Variants in GPC5 observed in about 807,000 individuals in gnomAD.
GPC5 encodes the protein glypican-5.
GPC5 carries 47 observed loss-of-function variants against 53.9 expected under a neutral mutation model. The ratio of observed to expected loss-of-function variants is 0.87; its 90% CI spans 0.69 to 1.11. The LOEUF is 1.11. Among genes scored for constraint, GPC5 ranks in the 50% most tolerant of loss-of-function variants. The pLI is 0.00. For synonymous variants in GPC5, 286 were observed against 263.3 expected (o/e 1.09, Z -0.84); for missense variants, 748 against 713.1 (o/e 1.05, Z -0.56).
intron 1 of GPC5, among the ~76,000 whole-genome samples, chr13:91,443,316 C>G (rs953765322): frequency 2.0e-5 from 3 of 152,022 alleles, no homozygotes; most frequent in African/African-American, 4.8e-5. Context: ...GAAGGGACAC[C>G]AGAAGTCTGC....
chr13:92,401,354 C>T (rs1180492557), intron 7 of GPC5, among the ~76,000 whole-genome samples: 1 of 151,994 alleles, frequency 6.6e-6, no homozygotes. Context: ...ATCAAAATGA[C>T]TACTTACTAT....
chr13:92,767,761 G>A (rs1391941614), intron 7 of GPC5, among the ~76,000 whole-genome samples: 1 of 152,126 alleles, frequency 6.6e-6, no homozygotes. Flanking sequence ...ATATTCGGCT[G>A]TACCTCATAA....
chr13:91,728,576 C>T lies in GPC5; in HGVS notation c.1065C>T (p.Ser355=), dbSNP rs1450091952. ...CGRPVRTPTQ[S]PRCSFDQSKE... is the part of the protein sequence containing the mutation. ...GCCCTGTAAGAACACCCACACAAAG[C>T]CCCCGTTGTTCTTTTGATCAGAGCA... The change falls in exon 4 of 8, where the codon AGC becomes AGT. Residue 355 remains serine, a synonymous_variant. Coordinates refer to ENST00000377067, the MANE Select transcript of GPC5 (RefSeq NM_004466.6). 8 of 1,612,488 alleles carry T rather than the reference C, an allele frequency of 5.0e-6. No homozygotes were observed.
In GPC5 at chr13:92,724,600, G is replaced by A. The variant is rs1001199212; in HGVS notation, c.1562-141682G>A. 2.6e-5 allele frequency among the ~76,000 whole-genome samples: 4 copies of A among 151,646 alleles called. No homozygotes were observed. The Admixed American group carries it at 2.6e-4, about 10-fold the overall frequency. ...CCTAGATAGAGGACACATGGTAAGT[G>A]AGATAAGCCAGACACAGAAGAATAA... On this transcript the variant is annotated intron_variant, in intron 7 of 7. Coordinates refer to ENST00000377067, the MANE Select transcript of GPC5 (RefSeq NM_004466.6).
intron 7 of GPC5, among the ~76,000 whole-genome samples, chr13:92,661,554 G>A (rs2139186589): frequency 6.6e-6 from 1 of 152,110 alleles, no homozygotes; most frequent in Middle Eastern, 3.4e-3. Context: ...ATTAAATAGT[G>A]TCTAAAATCA....
intron 3 of GPC5, 84 bp downstream of exon 3, chr13:91,693,965 T>C: frequency 2.0e-6 from 2 of 1,024,422 alleles, no homozygotes; most frequent in South Asian, 1.5e-5. Context: ...AGTAGGAGAA[T>C]GTGTCTGTTG....
chr13:91,797,608 A>G (rs1020393977), intron 5 of GPC5, among the ~76,000 whole-genome samples: 1 of 152,232 alleles, frequency 6.6e-6, no homozygotes, highest in African/African-American at 2.4e-5. Context: ...TTTAGATATT[A>G]GAAAGCAGGT....
At chr13:91,623,780 C>G (rs193063410) in intron 2 of GPC5, among the ~76,000 whole-genome samples, 2 of 152,108 alleles carry the variant, frequency 1.3e-5, no homozygotes, top group Admixed American at 1.3e-4. Flanking sequence ...AGTTATATAA[C>G]AAGTTGATAA....
chr13:91,808,800 G>C (rs536539328), intron 5 of GPC5, among the ~76,000 whole-genome samples: 1 of 152,212 alleles, frequency 6.6e-6, no homozygotes, highest in East Asian at 1.9e-4. Flanking sequence ...CACTCACATA[G>C]AAGCATTTAT....
chr13:91,719,282 T>C, intron 3 of GPC5, among the ~76,000 whole-genome samples: 1 of 152,244 alleles, frequency 6.6e-6, no homozygotes, highest in East Asian at 1.9e-4. Flanking sequence ...TCCACAGATG[T>C]GCAAGCTGCC....
At chr13:91,506,109 T>C (rs1884925877) in intron 2 of GPC5, among the ~76,000 whole-genome samples, 1 of 152,114 alleles carries the variant, frequency 6.6e-6, no homozygotes, top group African/African-American at 2.4e-5. Context: ...CCAATTACTT[T>C]GCCTGAGACA....
At chr13:92,401,012 T>C (rs2139336498) in intron 7 of GPC5, among the ~76,000 whole-genome samples, 1 of 152,222 alleles carries the variant, frequency 6.6e-6, no homozygotes, top group South Asian at 2.1e-4. Flanking sequence ...AAAATACCCC[T>C]GTAATGTGAT....
intron 5 of GPC5, among the ~76,000 whole-genome samples, chr13:91,862,773 T>C (rs1361229763): frequency 6.6e-6 from 1 of 152,116 alleles, no homozygotes; most frequent in Non-Finnish European, 1.5e-5. Context: ...CCATTAAAAT[T>C]TCACCAATAG....
chr13:92,097,243 G>C (rs1042911812), intron 6 of GPC5, among the ~76,000 whole-genome samples: 8 of 152,150 alleles, frequency 5.3e-5, no homozygotes, highest in Non-Finnish European at 5.9e-5. Context: ...AGCTGAAGAG[G>C]TTTCCTAGAA....
At chr13:91,588,920 T>G (rs1385348301) in intron 2 of GPC5, among the ~76,000 whole-genome samples, 2 of 152,192 alleles carry the variant, frequency 1.3e-5, no homozygotes, top group African/African-American at 4.8e-5. Context: ...AATTTCTGCA[T>G]ACTGTATGGA....
chr13:92,716,720 C>A (rs907377358), intron 7 of GPC5, among the ~76,000 whole-genome samples: 2 of 152,080 alleles, frequency 1.3e-5, no homozygotes, highest in African/African-American at 4.8e-5. Flanking sequence ...TCAGGACAAT[C>A]TTTAGAAGTG....
At chr13:92,089,111 A>G (rs1189052853) in intron 6 of GPC5, among the ~76,000 whole-genome samples, 1 of 152,164 alleles carries the variant, frequency 6.6e-6, no homozygotes, top group African/African-American at 2.4e-5. Context: ...GAAAATGTGT[A>G]TTGGCTATTG....
At chr13:92,581,267 A>G (rs573450025) in intron 7 of GPC5, among the ~76,000 whole-genome samples, 1 of 151,978 alleles carries the variant, frequency 6.6e-6, no homozygotes, top group East Asian at 1.9e-4. Context: ...TTTATTTCCT[A>G]TTTCTATGAG....
chr13:92,855,017 G>A (rs1437888211), intron 7 of GPC5, among the ~76,000 whole-genome samples: 5 of 151,970 alleles, frequency 3.3e-5, no homozygotes, highest in South Asian at 2.1e-4. Flanking sequence ...GTGGTTTCAG[G>A]TCTAACATTT....
Sources: gnomAD v4.1 joint callset for allele counts (sites outside exome capture counted in the v4.1 genomes callset) on GRCh38, gnomAD v4.1.1 for gene constraint, MANE v1.5 for transcripts, NCBI Gene and HGNC (gene_info 2026-07-23, HGNC 2026-07-21) for gene names.